ROBO2: variants seen among roughly 807,000 people sequenced by gnomAD.
ROBO2 encodes the protein roundabout guidance receptor 2.
In ROBO2, 53 loss-of-function variants were observed where a neutral mutation model predicts 160.8. That is an observed-to-expected ratio of 0.33 (90% CI 0.26 to 0.41). ROBO2 has a LOEUF of 0.41. Among genes scored for constraint, ROBO2 ranks in the 10% least tolerant of loss-of-function variants. The pLI, the probability that ROBO2 is intolerant of heterozygous loss-of-function variation, is 1.00. For missense variants in ROBO2, 1,577 were observed against 1,722.4 expected (o/e 0.92, Z 1.49); for synonymous variants, 664 against 611.7 (o/e 1.09, Z -1.26).
intron 6 of ROBO2, among the ~76,000 whole-genome samples, chr3:77,536,638 G>C (rs966098466): frequency 6.6e-6 from 1 of 152,086 alleles, no homozygotes; most frequent in Non-Finnish European, 1.5e-5. Context: ...CTTGTGGTAG[G>C]AGGTGACTTC....
intron 2 of ROBO2, among the ~76,000 whole-genome samples, chr3:76,007,567 T>TA (rs1490642572): frequency 2.0e-5 from 3 of 152,184 alleles, no homozygotes; most frequent in Non-Finnish European, 4.4e-5. Flanking sequence ...ATCTGGAGAT[T>TA]AAATAGCCGG....
intron 5 of ROBO2, among the ~76,000 whole-genome samples, chr3:77,497,714 T>G (rs2086986841): frequency 6.6e-6 from 1 of 152,122 alleles, no homozygotes; most frequent in African/African-American, 2.4e-5. Context: ...ACAAAGTGTT[T>G]TATGTGATAG....
chr3:76,851,104 CTCAT>C lies in ROBO2; in HGVS notation c.110-246904_110-246901del, dbSNP rs148628741. On this transcript the variant is annotated intron_variant, in intron 2 of 26. Transcript: ENST00000487694. ...AACCTGAGAAGTTTTGTGCATGTAA[CTCAT>C]TCATTTATTCCACAAAATTGGCTAA... Among the ~76,000 whole-genome samples, 509 of 152,302 alleles carry C rather than the reference CTCAT, an allele frequency of 3.3e-3. 2 individuals are homozygous for C. The highest frequency in any genetic ancestry group is 1.0e-2 in the African/African-American group (414 of 41,570).
chr3:77,274,723 T>G (rs2059715556), intron 2 of ROBO2, among the ~76,000 whole-genome samples: 1 of 152,108 alleles, frequency 6.6e-6, no homozygotes, highest in African/African-American at 2.4e-5. Context: ...TCGTATACTT[T>G]GTAATAGGTA....
chr3:77,003,490 C>T (rs1185137323), intron 2 of ROBO2, among the ~76,000 whole-genome samples: 3 of 152,192 alleles, frequency 2.0e-5, no homozygotes, highest in African/African-American at 7.2e-5. Flanking sequence ...CCATGCCTTT[C>T]TTCACGGCCA....
At position 76,465,998 on chromosome 3, in the gene ROBO2, G is replaced by GGTGTGTGTGTGTGTGT. The variant is rs57838247; in HGVS notation, c.109+528413_109+528428dup. ...GTTAAAATATCCTGGATAAAATATG[G>GGTGTGTGTGTGTGTGT]GTGTGTGTGTGTGTGTGTGTGTGTG... On this transcript the variant is annotated intron_variant, in intron 2 of 26. Transcript: ENST00000487694. 5.4e-4 allele frequency among the ~76,000 whole-genome samples: 80 copies of GGTGTGTGTGTGTGTGT among 147,670 alleles called. 1 individual carries two copies. The highest frequency in any genetic ancestry group is 1.4e-3 in the African/African-American group (58 of 40,126).
chr3:76,414,431 C>T (rs557574815), intron 2 of ROBO2, among the ~76,000 whole-genome samples: 58 of 152,006 alleles, frequency 3.8e-4, no homozygotes, highest in Non-Finnish European at 5.3e-4. Context: ...TCATACTATG[C>T]AGCCATAAAA....
chr3:76,569,469 A>G (rs1302386860), intron 2 of ROBO2, among the ~76,000 whole-genome samples: 1 of 152,202 alleles, frequency 6.6e-6, no homozygotes, highest in Non-Finnish European at 1.5e-5. Context: ...AGAGAATTGT[A>G]TGGGAAAAAC....
At position 76,571,321 on chromosome 3, in the gene ROBO2, G is replaced by A. The variant is rs75697713; in HGVS notation, c.110-526693G>A. Among the ~76,000 whole-genome samples the A allele has an allele frequency of 6.9e-3, 1,054 of 152,182 alleles. 16 individuals are homozygous for A. The highest frequency in any genetic ancestry group is 0.025 in the African/African-American group (1,024 of 41,546). The stretch of plus-strand genomic sequence containing the variant: ...ATGTTTCATTTTATTGGGAAAATGT[G>A]TAAATTTCAGATTGTTCTTTGTTTG... On this transcript the variant is annotated intron_variant, in intron 2 of 26. Coordinates refer to the ROBO2 transcript ENST00000487694.
At chr3:77,320,291 T>C (rs2064531146) in intron 2 of ROBO2, among the ~76,000 whole-genome samples, 1 of 152,172 alleles carries the variant, frequency 6.6e-6, no homozygotes, top group Admixed American at 6.6e-5. Context: ...TTGTTGAGTT[T>C]TAATATTTCA....
At chr3:77,379,598 G>A (rs763016759) in intron 2 of ROBO2, among the ~76,000 whole-genome samples, 7 of 152,072 alleles carry the variant, frequency 4.6e-5, no homozygotes, top group Non-Finnish European at 8.8e-5. Context: ...ATCTTTGTAC[G>A]TCGTTTGTTC....
intron 2 of ROBO2, among the ~76,000 whole-genome samples, chr3:76,629,798 G>A (rs1174905476): frequency 2.0e-5 from 3 of 152,118 alleles, no homozygotes; most frequent in Non-Finnish European, 4.4e-5. Context: ...TGTATTATCA[G>A]CAAACTTGCT....
chr3:76,607,858 T>C (rs2087780628), intron 2 of ROBO2, among the ~76,000 whole-genome samples: 1 of 152,192 alleles, frequency 6.6e-6, no homozygotes, highest in African/African-American at 2.4e-5. Flanking sequence ...ATCTTTCAAA[T>C]CTATTCTCTT....
chr3:76,657,823 A>G (rs1485865597), intron 2 of ROBO2, among the ~76,000 whole-genome samples: 2 of 147,834 alleles, frequency 1.4e-5, no homozygotes, highest in South Asian at 4.2e-4. Context: ...TATAGTGTGT[A>G]TATATATGTA....
chr3:75,997,431 G>C (rs2065760059), intron 2 of ROBO2, among the ~76,000 whole-genome samples: 3 of 151,578 alleles, frequency 2.0e-5, no homozygotes, highest in African/African-American at 7.3e-5. Flanking sequence ...TAATTTCTTT[G>C]GTGTGTCTGA....
chr3:76,722,226 T>G (rs1450604015), intron 2 of ROBO2, among the ~76,000 whole-genome samples: 1 of 152,048 alleles, frequency 6.6e-6, no homozygotes, highest in Non-Finnish European at 1.5e-5. Context: ...TTTCACGCCG[T>G]TCTTCTGCCT....
chr3:77,450,593 G>A (rs1323702025), intron 2 of ROBO2, among the ~76,000 whole-genome samples: 1 of 151,860 alleles, frequency 6.6e-6, no homozygotes, highest in Non-Finnish European at 1.5e-5. Flanking sequence ...TGTCTTACTT[G>A]GATCCCATCA....
At chr3:77,576,778 CATATA>C (rs1348175386) in intron 14 of ROBO2, among the ~76,000 whole-genome samples, 2 of 152,220 alleles carry the variant, frequency 1.3e-5, no homozygotes, top group Admixed American at 1.3e-4. Flanking sequence ...CTTGCCCATC[CATATA>C]ATATAAGTTT....
intron 18 of ROBO2, among the ~76,000 whole-genome samples, chr3:77,595,475 A>G (rs1219760976): frequency 6.6e-6 from 1 of 152,188 alleles, no homozygotes; most frequent in South Asian, 2.1e-4. Context: ...GACATTAGCA[A>G]ATGAAGTTGC....
Sources: allele counts gnomAD v4.1 joint callset (sites outside exome capture counted in the v4.1 genomes callset), GRCh38; gene constraint gnomAD v4.1.1; transcripts MANE v1.5; gene names NCBI Gene and HGNC (gene_info 2026-07-23, HGNC 2026-07-21).